STAG1: variants seen among roughly 807,000 people sequenced by gnomAD.
The protein encoded by STAG1 is STAG1 cohesin complex component.
STAG1 carries 26 observed loss-of-function variants against 170.9 expected under a neutral mutation model. The observed-to-expected ratio is 0.15, with a 90% CI of 0.11 to 0.21. The LOEUF is 0.21. Ranked by LOEUF, STAG1 falls within the 10% of genes least tolerant of loss-of-function variation. STAG1 has a pLI of 1.00. For missense variants in STAG1, 964 were observed against 1,509.5 expected, an observed-to-expected ratio of 0.64 and a Z score of 5.99; for synonymous variants, 514 against 497.7, an observed-to-expected ratio of 1.03 and a Z score of -0.44.
At chr3:136,459,174 C>T (rs910606754) in intron 13 of STAG1, among the ~76,000 whole-genome samples, 6 of 148,256 alleles carry the variant, frequency 4.0e-5, no homozygotes, top group Admixed American at 1.4e-4. Flanking sequence ...GCCAAGATGG[C>T]GCCACTGCAC....
chr3:136,580,261 C>T (rs533169228), intron 4 of STAG1, among the ~76,000 whole-genome samples: 98 of 151,632 alleles, frequency 6.5e-4, no homozygotes, highest in African/African-American at 2.3e-3. Context: ...GCCACCGCGC[C>T]CGGCTCATTT....
At chr3:136,461,424 C>T (rs192472572) in intron 13 of STAG1, among the ~76,000 whole-genome samples, 6 of 152,104 alleles carry the variant, frequency 3.9e-5, no homozygotes, top group African/African-American at 1.4e-4. Flanking sequence ...TTTAGAAAAA[C>T]AGACTCCGCC....
At chr3:136,606,889 C>T (rs1419186746) in intron 3 of STAG1, among the ~76,000 whole-genome samples, 1 of 151,670 alleles carries the variant, frequency 6.6e-6, no homozygotes, top group Admixed American at 6.6e-5. Flanking sequence ...GCTGAAACTA[C>T]AGGTGTGTGC....
intron 13 of STAG1, among the ~76,000 whole-genome samples, chr3:136,463,823 T>TCATATATA (rs1178773474): frequency 7.2e-6 from 1 of 138,186 alleles, no homozygotes; most frequent in East Asian, 2.1e-4. Flanking sequence ...ACACATATAT[T>TCATATATA]CATATATACA....
chr3:136,398,644 C>A, intron 22 of STAG1, 105 bp downstream of exon 22: 1 of 447,574 alleles, frequency 2.2e-6, no homozygotes, highest in Non-Finnish European at 3.5e-6. Flanking sequence ...TTAAATATTA[C>A]AATAATTTAT....
chr3:136,375,885 C>A (rs1937571456), intron 23 of STAG1, among the ~76,000 whole-genome samples: 1 of 151,548 alleles, frequency 6.6e-6, no homozygotes, highest in African/African-American at 2.4e-5. Flanking sequence ...CAGGGAATTG[C>A]TTGAACTCAG....
intron 15 of STAG1, among the ~76,000 whole-genome samples, chr3:136,434,168 C>A (rs1166113943): frequency 2.0e-5 from 3 of 151,942 alleles, no homozygotes; most frequent in Non-Finnish European, 4.4e-5. Context: ...CAATAAACAT[C>A]ATTAATAGAT....
intron 1 of STAG1, among the ~76,000 whole-genome samples, chr3:136,666,256 C>T (rs879761923): frequency 6.6e-6 from 1 of 151,918 alleles, no homozygotes; most frequent in Non-Finnish European, 1.5e-5. Context: ...GCTGATTCTC[C>T]CCTAGAGCCT....
rs141104393 is a variant in STAG1 at position 136,517,588 on chromosome 3, T to C, written c.676+3625A>G. On this transcript the variant is annotated intron_variant, in intron 7 of 33. Transcript: ENST00000383202. The stretch of plus-strand genomic sequence containing the variant: ...TTCATAATACCAAACAAGAAAGTGG[T>C]AAAACAAAGAAAATCTTACCTATTT... Among the ~76,000 whole-genome samples, 979 of 152,038 alleles carry C rather than the reference T, an allele frequency of 6.4e-3. 12 individuals carry two copies. The highest frequency in any genetic ancestry group is 0.022 in the African/African-American group (930 of 41,484).
chr3:136,381,230 T>C (rs1326326062), intron 22 of STAG1, among the ~76,000 whole-genome samples: 8 of 151,918 alleles, frequency 5.3e-5, no homozygotes, highest in African/African-American at 1.9e-4. Flanking sequence ...AACAGATGTG[T>C]CAGAAGTGGA....
At chr3:136,547,405 T>G (rs565225991) in intron 5 of STAG1, among the ~76,000 whole-genome samples, 1 of 152,336 alleles carries the variant, frequency 6.6e-6, no homozygotes, top group South Asian at 2.1e-4. Flanking sequence ...CTCTACACTG[T>G]GACACTTTCT....
At chr3:136,342,684 T>A (rs552205678) in intron 30 of STAG1, among the ~76,000 whole-genome samples, 136 of 152,378 alleles carry the variant, frequency 8.9e-4, no homozygotes, top group Non-Finnish European at 1.5e-3. Flanking sequence ...TTTTAGCCAA[T>A]ACAAACTGTC....
intron 16 of STAG1, among the ~76,000 whole-genome samples, chr3:136,428,117 G>T (rs112286241): frequency 4.6e-5 from 7 of 151,124 alleles, no homozygotes; most frequent in African/African-American, 1.5e-4. Context: ...ACACTTATTA[G>T]TAAGGAAGAG....
rs1052193077 is a variant in STAG1 at position 136,513,268 on chromosome 3, T to C, written c.676+7945A>G. On this transcript the variant is annotated intron_variant, in intron 7 of 33. Transcript: ENST00000383202. ...TACTCAGGAGGCTGAGGTCGGAGAGTATCCCTTGAACCCAGGAGGCATAGG... is the reference window on the plus strand; with the variant it reads ...TACTCAGGAGGCTGAGGTCGGAGAGCATCCCTTGAACCCAGGAGGCATAGG... Among the ~76,000 whole-genome samples, 44 of 151,320 alleles carry C rather than the reference T, an allele frequency of 2.9e-4. 1 individual carries two copies. Among genetic ancestry groups the C allele is most frequent in the African/African-American group, 1.0e-3 (43 of 41,260 alleles).
intron 1 of STAG1, among the ~76,000 whole-genome samples, chr3:136,713,980 T>A (rs1943454077): frequency 6.6e-6 from 1 of 151,502 alleles, no homozygotes; most frequent in Admixed American, 6.6e-5. Context: ...GCCAAGATCG[T>A]GCCGTTGCAC....
chr3:136,737,009 A>T (rs1222567376), intron 1 of STAG1: 4 of 1,581,564 alleles, frequency 2.5e-6, no homozygotes, highest in Non-Finnish European at 3.5e-6. Context: ...ACCAAGATGG[A>T]TAACTGCCGC....
At chr3:136,495,325 T>A (rs1025037817) in intron 9 of STAG1, among the ~76,000 whole-genome samples, 11 of 152,158 alleles carry the variant, frequency 7.2e-5, no homozygotes, top group Admixed American at 2.0e-4. Context: ...TATGCCTTAA[T>A]AGAAGAGACA....
chr3:136,612,433 C>T (rs138722999), intron 3 of STAG1, among the ~76,000 whole-genome samples: 149 of 151,760 alleles, frequency 9.8e-4, no homozygotes, highest in African/African-American at 3.1e-3. Context: ...AAGCAAGACT[C>T]CTTCTCTACA....
chr3:136,741,604 G>T (rs879661099), intron 1 of STAG1, among the ~76,000 whole-genome samples: 1 of 152,108 alleles, frequency 6.6e-6, no homozygotes, highest in Non-Finnish European at 1.5e-5. Flanking sequence ...AAGTAGCTGG[G>T]ATTACAGGCG....
Sources: gnomAD v4.1 joint callset for allele counts (sites outside exome capture counted in the v4.1 genomes callset) on GRCh38, gnomAD v4.1.1 for gene constraint, MANE v1.5 for transcripts, NCBI Gene and HGNC (gene_info 2026-07-23, HGNC 2026-07-21) for gene names.